CPPED1: variants seen among roughly 807,000 people sequenced by gnomAD.
CPPED1 encodes serine/threonine-protein phosphatase CPPED1.
Under a neutral mutation model 28.0 loss-of-function variants are expected in CPPED1, and 28 were observed. The observed-to-expected ratio is 1.00, with a 90% CI of 0.74 to 1.37. The LOEUF (loss-of-function observed/expected upper bound fraction) is 1.37, where lower values mean the gene tolerates loss of function less well. Among genes scored for constraint, CPPED1 ranks in the 40% most tolerant of loss-of-function variants. CPPED1 has a pLI of 0.00. For missense variants in CPPED1, 504 were observed against 416.5 expected, an observed-to-expected ratio of 1.21 and a Z score of -1.83; for synonymous variants, 198 against 180.2, an observed-to-expected ratio of 1.10 and a Z score of -0.79.
intron 3 of CPPED1, among the ~76,000 whole-genome samples, chr16:12,697,718 C>T (rs2079999349): frequency 6.6e-6 from 1 of 152,142 alleles, no homozygotes; most frequent in Non-Finnish European, 1.5e-5. Flanking sequence ...TGAGTAGTTG[C>T]TACAGAGACC....
chr16:12,767,245 G>A (rs1234128401), intron 2 of CPPED1, among the ~76,000 whole-genome samples: 1 of 152,136 alleles, frequency 6.6e-6, no homozygotes, highest in Non-Finnish European at 1.5e-5. Context: ...TGAGAACCAG[G>A]AGTGCCGATG....
intron 1 of CPPED1, among the ~76,000 whole-genome samples, chr16:12,784,555 GA>G (rs11321564): frequency 0.56 from 82,838 of 146,912 alleles, 23,061 homozygotes; most frequent in South Asian, 0.79. Flanking sequence ...ATTTTGTCAT[GA>G]AAAAAAAAAA....
chr16:12,736,828 G>A (rs1327646731), intron 2 of CPPED1, among the ~76,000 whole-genome samples: 2 of 152,162 alleles, frequency 1.3e-5, no homozygotes, highest in Non-Finnish European at 1.5e-5. Context: ...ATATTAGATG[G>A]TGCTAAGTGT....
intron 1 of CPPED1, among the ~76,000 whole-genome samples, chr16:12,782,642 C>G (rs1596483713): frequency 6.6e-6 from 1 of 151,490 alleles, no homozygotes; most frequent in Non-Finnish European, 1.5e-5. Flanking sequence ...GACGAATCAC[C>G]TGAGGTCAAG....
At chr16:12,770,246 C>G (rs1295638541) in intron 2 of CPPED1, among the ~76,000 whole-genome samples, 1 of 152,134 alleles carries the variant, frequency 6.6e-6, no homozygotes, top group East Asian at 1.9e-4. Flanking sequence ...GGCGCTGAGG[C>G]AGATTCTAAA....
rs997955357 is a variant in CPPED1 at position 12,664,561 on chromosome 16, T to G, written c.*325A>C. The G allele has an allele frequency of 1.8e-6, 2 of 1,126,826 alleles. No homozygotes were observed. Among genetic ancestry groups the G allele is most frequent in the African/African-American group, 3.4e-5 (2 of 59,552 alleles). 69.8% of individuals were successfully genotyped at this position (1,126,826 alleles called of 1,614,324 possible). Reference sequence around the variant, plus strand: ...GAGGTCGATAGGCAGACTTTGACCATATGCTAACCAGAATACAATCCAATT... The same window carrying G: ...GAGGTCGATAGGCAGACTTTGACCAGATGCTAACCAGAATACAATCCAATT... On this transcript the variant is annotated 3_prime_UTR_variant, in exon 4 of 4. Transcript: ENST00000381774. The surrounding 1 kb of genome is among the most constrained non-coding windows in gnomAD (Gnocchi z 4.2).
intron 2 of CPPED1, among the ~76,000 whole-genome samples, chr16:12,730,786 G>A (rs72779063): frequency 0.15 from 22,078 of 152,128 alleles, 1,750 homozygotes; most frequent in Admixed American, 0.18. Context: ...CAGAGAAGGC[G>A]CACGAGGGAG....
intron 1 of CPPED1, among the ~76,000 whole-genome samples, chr16:12,796,324 T>C (rs971526771): frequency 1.3e-5 from 2 of 151,328 alleles, no homozygotes; most frequent in South Asian, 2.1e-4. Context: ...TGAAACCCCA[T>C]CTCTACTAAA....
intron 2 of CPPED1, among the ~76,000 whole-genome samples, chr16:12,779,126 C>T (rs906425195): frequency 5.9e-5 from 9 of 152,108 alleles, no homozygotes; most frequent in South Asian, 2.1e-4. Context: ...TAAACATCTA[C>T]GAGAACATGT....
At chr16:12,678,447 C>A (rs961097210) in intron 3 of CPPED1, among the ~76,000 whole-genome samples, 2 of 152,134 alleles carry the variant, frequency 1.3e-5, no homozygotes, top group Non-Finnish European at 2.9e-5. Flanking sequence ...AATAAAACTG[C>A]TATAATTTTG....
chr16:12,746,373 CAAAAA>C, intron 2 of CPPED1, among the ~76,000 whole-genome samples: 1 of 105,552 alleles, frequency 9.5e-6, no homozygotes, highest in Admixed American at 1.0e-4. Context: ...GACTCTGACT[CAAAAA>C]AAAAAAAAAA....
At chr16:12,792,907 T>C (rs1178910653) in intron 1 of CPPED1, among the ~76,000 whole-genome samples, 1 of 152,126 alleles carries the variant, frequency 6.6e-6, no homozygotes, top group African/African-American at 2.4e-5. Flanking sequence ...CTGTCTTTAT[T>C]AGCAGCATGA....
At chr16:12,700,217 G>C (rs1401832218) in intron 3 of CPPED1, among the ~76,000 whole-genome samples, 2 of 152,236 alleles carry the variant, frequency 1.3e-5, no homozygotes, top group Non-Finnish European at 2.9e-5. Flanking sequence ...AAGACCCTTA[G>C]GCCAGTGGCC....
At chr16:12,740,625 A>G (rs113648470) in intron 2 of CPPED1, among the ~76,000 whole-genome samples, 164 of 152,228 alleles carry the variant, frequency 1.1e-3, no homozygotes, top group African/African-American at 3.7e-3. Flanking sequence ...TAGCGTTACA[A>G]AGAAGGGAGT....
chr16:12,665,755 T>C (rs767596922), intron 3 of CPPED1, among the ~76,000 whole-genome samples: 22 of 152,072 alleles, frequency 1.4e-4, no homozygotes, highest in Non-Finnish European at 4.4e-5. Context: ...TGGTGAAATC[T>C]CATACTAAAA....
At chr16:12,767,904 G>C (rs2080448526) in intron 2 of CPPED1, among the ~76,000 whole-genome samples, 1 of 152,152 alleles carries the variant, frequency 6.6e-6, no homozygotes, top group Admixed American at 6.5e-5. Flanking sequence ...GCAGTGAGCA[G>C]AGATCGCGCC....
chr16:12,757,064 C>T (rs2080374446), intron 2 of CPPED1, among the ~76,000 whole-genome samples: 1 of 152,124 alleles, frequency 6.6e-6, no homozygotes, highest in East Asian at 1.9e-4. Flanking sequence ...AGTTATAGCA[C>T]CTCGAGGATG....
chr16:12,691,867 G>A (rs964438161), intron 3 of CPPED1, among the ~76,000 whole-genome samples: 3 of 149,208 alleles, frequency 2.0e-5, no homozygotes, highest in Non-Finnish European at 4.4e-5. Flanking sequence ...AATGTTAAAT[G>A]ATGAGTTAAT....
rs2080089611 is a variant in CPPED1 at position 12,713,341 on chromosome 16, TC to T, written c.290-8293del. Among the ~76,000 whole-genome samples the T allele has an allele frequency of 3.3e-5, 5 of 152,134 alleles. No individual in the cohort carries two copies. The South Asian group carries it at 1.0e-3, about 32-fold the overall frequency. ...TCAAAGGAGAAGGTGGTTGTCCTGG[TC>T]TTTTAAATCTAGTTTCTTCTTTTTT... On this transcript the variant is annotated intron_variant, in intron 2 of 3. Coordinates refer to ENST00000381774, the MANE Select transcript of CPPED1 (RefSeq NM_018340.3).
Sources: gnomAD v4.1 joint callset for allele counts (sites outside exome capture counted in the v4.1 genomes callset) on GRCh38, gnomAD v4.1.1 for gene constraint, Gnocchi (gnomAD v3.1) non-coding constraint, MANE v1.5 for transcripts, NCBI Gene and HGNC (gene_info 2026-07-23, HGNC 2026-07-21) for gene names.